TRPC6: variants seen among roughly 807,000 people sequenced by gnomAD.
TRPC6 encodes the protein transient receptor potential cation channel subfamily C member 6.
In TRPC6, 55 loss-of-function variants were observed where a neutral mutation model predicts 90.7. The observed-to-expected ratio is 0.61, with a 90% CI of 0.49 to 0.76. The LOEUF (loss-of-function observed/expected upper bound fraction) is 0.76. Among genes scored for constraint, TRPC6 ranks in the 30% least tolerant of loss-of-function variants. The pLI is 0.00. For synonymous variants in TRPC6, 393 were observed against 393.0 expected, an observed-to-expected ratio of 1.00 and a Z score of 0.00; for missense variants, 989 against 1,122.7, an observed-to-expected ratio of 0.88 and a Z score of 1.70.
At chr11:101,453,300 CA>C (rs1181629403) in intron 12 of TRPC6, among the ~76,000 whole-genome samples, 194 bp from the exon 13 acceptor site, 1 of 152,086 alleles carries the variant, frequency 6.6e-6, no homozygotes. Flanking sequence ...GAGATTATAG[CA>C]GAATGATAAC....
In TRPC6 at chr11:101,533,943, A is replaced by G. The variant is rs1860973205; in HGVS notation, c.171-29145T>C. Among the ~76,000 whole-genome samples the G allele has an allele frequency of 2.6e-5, 4 of 152,214 alleles. No individual in the cohort carries two copies. In the South Asian group the frequency reaches 8.3e-4, roughly 32 times the overall value. ...GATGATCATCCACTCCTGTAACTCC[A>G]CATTAGCTATTAATACGTTCCTTGA... On this transcript the variant is annotated intron_variant, in intron 1 of 12. Transcript: ENST00000344327.
At chr11:101,546,050 C>CTTTTTTATT (rs1861296109) in intron 1 of TRPC6, among the ~76,000 whole-genome samples, 1 of 29,694 alleles carries the variant, frequency 3.4e-5, no homozygotes. Context: ...ATTTATAACT[C>CTTTTTTATT]TTTTTTTTTT....
At position 101,504,345 on chromosome 11, in the gene TRPC6, G is replaced by C. The variant is rs772850578; in HGVS notation, c.624C>G (p.Ala208=). ...QSELQQDDFY[A]YDEDGTRFSH... is the part of the protein sequence containing the mutation. ...AGAACCGTGTCCCATCTTCATCATA[G>C]GCATAAAAATCATCTTGCTGGAGTT... is the stretch of plus-strand genomic sequence containing the variant. The change falls in exon 2 of 13, where the codon GCC becomes GCG. Residue 208 remains alanine, a synonymous_variant. Coordinates refer to ENST00000344327, the MANE Select transcript of TRPC6 (RefSeq NM_004621.6). 1.9e-6 allele frequency: 3 copies of C among 1,613,892 alleles called. No homozygotes were observed. The South Asian group carries it at 3.3e-5, about 18-fold the overall frequency.
chr11:101,487,766 T>C (rs1476760380), intron 4 of TRPC6, among the ~76,000 whole-genome samples: 3 of 152,152 alleles, frequency 2.0e-5, no homozygotes, highest in Admixed American at 6.5e-5. Flanking sequence ...TTATATATTT[T>C]AAGGGGAAAA....
At chr11:101,458,698 C>T (rs569116691) in intron 10 of TRPC6, among the ~76,000 whole-genome samples, 4 of 152,226 alleles carry the variant, frequency 2.6e-5, no homozygotes, top group East Asian at 3.9e-4. Context: ...TTAAAGGATA[C>T]GGTCAGAGAT....
chr11:101,473,551 T>C lies in TRPC6; in HGVS notation c.1967A>G (p.Tyr656Cys). Residue 656 changes from tyrosine to cysteine, a missense_variant, in exon 7 of 13, where the codon TAC becomes TGC. Coordinates refer to ENST00000344327, the MANE Select transcript of TRPC6 (RefSeq NM_004621.6). ...TTGTTTTGCACCAATGTAGTAGGAG[T>C]AGAGATTGAACATTCCAATCATAAA... ...VAFMIGMFNL[Y>C]SYYIGAKQNE... is the part of the protein sequence containing the mutation. 6.2e-7 allele frequency: 1 copy of C among 1,613,384 alleles called. No homozygotes were observed. The highest frequency in any genetic ancestry group is 8.5e-7 in the Non-Finnish European group (1 of 1,179,662).
At chr11:101,459,085 C>A (rs1858946411) in intron 10 of TRPC6, among the ~76,000 whole-genome samples, 1 of 152,102 alleles carries the variant, frequency 6.6e-6, no homozygotes, top group South Asian at 2.1e-4. Flanking sequence ...TGTCGTAAAA[C>A]CAAGCCATGT....
chr11:101,469,363 C>T, intron 10 of TRPC6, 64 bp downstream of exon 10: 1 of 722,078 alleles, frequency 1.4e-6, no homozygotes, highest in South Asian at 1.5e-5. Context: ...GAACATCTGT[C>T]CCTTTCTTTG....
At chr11:101,536,162 G>A (rs547673833) in intron 1 of TRPC6, among the ~76,000 whole-genome samples, 22 of 152,298 alleles carry the variant, frequency 1.4e-4, no homozygotes, top group African/African-American at 3.6e-4. Flanking sequence ...CAAGATGGGC[G>A]GATCATCTGA....
intron 1 of TRPC6, among the ~76,000 whole-genome samples, chr11:101,543,636 G>A (rs1235629039): frequency 2.6e-5 from 4 of 152,100 alleles, no homozygotes; most frequent in African/African-American, 9.7e-5. Flanking sequence ...AATGGGGAAA[G>A]GATTCCCTAT....
intron 1 of TRPC6, among the ~76,000 whole-genome samples, chr11:101,536,572 G>A (rs1386912633): frequency 6.6e-6 from 1 of 152,152 alleles, no homozygotes; most frequent in African/African-American, 2.4e-5. Context: ...GAAAAAGTAA[G>A]ATGTAGTAGA....
intron 1 of TRPC6, among the ~76,000 whole-genome samples, chr11:101,563,529 G>C (rs202163421): frequency 6.6e-6 from 1 of 152,198 alleles, no homozygotes; most frequent in East Asian, 1.9e-4. Flanking sequence ...ATTGTCTGTA[G>C]GCTGTGTAGG....
intron 1 of TRPC6, among the ~76,000 whole-genome samples, chr11:101,566,440 G>T (rs1304238898): frequency 6.6e-6 from 1 of 151,940 alleles, no homozygotes; most frequent in Non-Finnish European, 1.5e-5. Flanking sequence ...AAACAAAAAA[G>T]ATGTATCCCC....
intron 1 of TRPC6, among the ~76,000 whole-genome samples, chr11:101,559,818 T>C (rs1468074953): frequency 7.7e-6 from 1 of 130,184 alleles, no homozygotes; most frequent in Non-Finnish European, 1.6e-5. Context: ...CGGTGTGTGA[T>C]GTTCCCCTTC....
intron 1 of TRPC6, among the ~76,000 whole-genome samples, chr11:101,571,710 G>A (rs1275842092): frequency 6.6e-6 from 1 of 151,872 alleles, no homozygotes; most frequent in African/African-American, 2.4e-5. Flanking sequence ...CTCAGAAATA[G>A]CACCACACAT....
chr11:101,573,640 T>C (rs1862010506), intron 1 of TRPC6, among the ~76,000 whole-genome samples: 1 of 152,182 alleles, frequency 6.6e-6, no homozygotes, highest in Admixed American at 6.6e-5. Flanking sequence ...CTCTTCTTTC[T>C]CATTTACAGT....
intron 1 of TRPC6, among the ~76,000 whole-genome samples, chr11:101,550,139 G>T (rs1384828313): frequency 6.6e-6 from 1 of 151,314 alleles, no homozygotes; most frequent in East Asian, 1.9e-4. Flanking sequence ...TTTTTAAGAT[G>T]TTTTTTGCAA....
chr11:101,559,632 TTTC>T (rs1205233420), intron 1 of TRPC6, among the ~76,000 whole-genome samples: 1 of 123,738 alleles, frequency 8.1e-6, no homozygotes, highest in Non-Finnish European at 1.7e-5. Flanking sequence ...TATAATGTCT[TTTC>T]TTTTTTTTTT....
At chr11:101,560,209 G>T (rs1861683003) in intron 1 of TRPC6, among the ~76,000 whole-genome samples, 1 of 151,878 alleles carries the variant, frequency 6.6e-6, no homozygotes, top group Non-Finnish European at 1.5e-5. Flanking sequence ...TAGTCTGTGG[G>T]TGAGCCCGTT....
Sources: allele counts gnomAD v4.1 joint callset (sites outside exome capture counted in the v4.1 genomes callset), GRCh38; gene constraint gnomAD v4.1.1; transcripts MANE v1.5; gene names NCBI Gene and HGNC (gene_info 2026-07-23, HGNC 2026-07-21).